The following ERCC6L2 variants were observed in gnomAD, a reference collection of about 807,000 sequenced individuals.
The protein encoded by ERCC6L2 is DNA excision repair protein ERCC-6-like 2.
In ERCC6L2, 77 loss-of-function variants were observed where a neutral mutation model predicts 132.0. The observed-to-expected ratio is 0.58, with a 90% CI of 0.49 to 0.71. The LOEUF is 0.71. Ranked by LOEUF, ERCC6L2 falls within the 30% of genes least tolerant of loss-of-function variation. The probability of loss-of-function intolerance (pLI) is 0.00; values close to 1 mark genes in which losing one functional copy is unlikely to be tolerated. For synonymous variants in ERCC6L2, 583 were observed against 632.4 expected, an observed-to-expected ratio of 0.92 and a Z score of 1.17; for missense variants, 1,542 against 1,837.6, an observed-to-expected ratio of 0.84 and a Z score of 2.94.
intron 3 of ERCC6L2, among the ~76,000 whole-genome samples, chr9:95,899,626 G>A (rs1828661459): frequency 6.8e-6 from 1 of 147,464 alleles, no homozygotes; most frequent in African/African-American, 2.5e-5. Flanking sequence ...GTGTGTGTGT[G>A]TGTGTGCGTA....
chr9:96,011,270 A>AG (rs1834018850), intron 18 of ERCC6L2, among the ~76,000 whole-genome samples: 1 of 152,202 alleles, frequency 6.6e-6, no homozygotes, highest in African/African-American at 2.4e-5. Context: ...CATGGCAGAG[A>AG]GGAAGAGACA....
chr9:95,928,134 T>C lies in ERCC6L2; in HGVS notation c.1589T>C (p.Phe530Ser), dbSNP rs1270617521. 1 of 1,612,186 alleles carries C rather than the reference T, an allele frequency of 6.2e-7. No homozygotes were observed. The highest frequency in any genetic ancestry group is 2.2e-5 in the East Asian group (1 of 44,756). ...AAAAACAGAGATAAAGTTCTTCTCT[T>C]TTCTTTTTCCACCAAGGTGAGTTCA... ...CRKNRDKVLL[F>S]SFSTKLLDVL... is the part of the protein sequence containing the mutation. Residue 530 changes from phenylalanine to serine, a missense_variant, in exon 10 of 19, where the codon TTT becomes TCT. Around this residue, in one of 4 missense-constraint regions of ERCC6L2, gnomAD observed 945 missense variants for 1,105.2 expected, o/e 0.86. Coordinates refer to ENST00000653738, the MANE Select transcript of ERCC6L2 (RefSeq NM_020207.7).
At chr9:95,878,193 A>G (rs1356343752) in intron 1 of ERCC6L2, among the ~76,000 whole-genome samples, 9 of 152,216 alleles carry the variant, frequency 5.9e-5, no homozygotes, top group Admixed American at 5.9e-4. Context: ...TTTTATTGGA[A>G]CACAACTGTG....
At chr9:95,881,816 T>G (rs140867816) in intron 2 of ERCC6L2, among the ~76,000 whole-genome samples, 71 of 152,346 alleles carry the variant, frequency 4.7e-4, no homozygotes, top group African/African-American at 1.7e-3. Flanking sequence ...ATACATACTT[T>G]CCTAAAGAGG....
chr9:96,015,624 T>G lies in ERCC6L2; in HGVS notation c.*2421T>G, dbSNP rs1205771572. Among the ~76,000 whole-genome samples the G allele has an allele frequency of 1.4e-5, 2 of 139,022 alleles. No homozygotes were observed. Among genetic ancestry groups the G allele is most frequent in the Admixed American group, 7.3e-5 (1 of 13,652 alleles). 91.2% of individuals were successfully genotyped at this position (139,022 alleles called of 152,430 possible). A position where few individuals can be genotyped will look rare whatever the true frequency, so the allele number is the denominator to read the frequency against. Reference sequence around the variant, plus strand: ...TCCTGGCTAACGCGGTGAAACCCCGTCTCTACTAAAAAAAAAAAAAATACA... The same window carrying G: ...TCCTGGCTAACGCGGTGAAACCCCGGCTCTACTAAAAAAAAAAAAAATACA... On this transcript the variant is annotated 3_prime_UTR_variant, in exon 19 of 19. Coordinates refer to ENST00000653738, the MANE Select transcript of ERCC6L2 (RefSeq NM_020207.7).
At chr9:96,029,108 T>G (rs1459717552) in intron 19 of ERCC6L2, among the ~76,000 whole-genome samples, 4 of 151,684 alleles carry the variant, frequency 2.6e-5, no homozygotes, top group Non-Finnish European at 4.4e-5. Context: ...ATCGAGACCA[T>G]CCTGGCTAAC....
intron 11 of ERCC6L2, chr9:95,929,147 A>C (rs942207318): frequency 4.5e-6 from 1 of 220,762 alleles, no homozygotes; most frequent in East Asian, 1.3e-4. Context: ...TTTTGACCCA[A>C]GTCTCCTGGT....
At position 95,955,404 on chromosome 9, in the gene ERCC6L2, G is replaced by A. The variant is rs1000604593; in HGVS notation, c.1848-510G>A. ...ATACAATTGATAAGTTTTGACTTAT[G>A]TACATGTAAAACCATCACCACAATT... is the stretch of plus-strand genomic sequence containing the variant. On this transcript the variant is annotated intron_variant, in intron 12 of 18. Transcript: ENST00000653738. Among the ~76,000 whole-genome samples the A allele has an allele frequency of 4.0e-5, 6 of 148,758 alleles. No individual in the cohort carries two copies. The East Asian group carries it at 9.7e-4, about 24-fold the overall frequency.
chr9:95,905,455 A>G (rs1261620010), intron 3 of ERCC6L2, among the ~76,000 whole-genome samples: 1 of 152,194 alleles, frequency 6.6e-6, no homozygotes, highest in Non-Finnish European at 1.5e-5. Context: ...CCTTTGATGA[A>G]TGGCCTCTCA....
At position 96,017,241 on chromosome 9, in the gene ERCC6L2, C is replaced by T. The variant is rs1197754645; in HGVS notation, c.*4038C>T. Among the ~76,000 whole-genome samples, 2 of 152,128 alleles carry T rather than the reference C, an allele frequency of 1.3e-5. No homozygotes were observed. The highest frequency in any genetic ancestry group is 4.8e-5 in the African/African-American group (2 of 41,420). On this transcript the variant is annotated 3_prime_UTR_variant, in exon 19 of 19. Coordinates refer to ENST00000653738, the MANE Select transcript of ERCC6L2 (RefSeq NM_020207.7). ...CAGCCCCTGTACACTGTGGCATGTA[C>T]GGCTGGCTCCACTTGGTATTTGTTG...
chr9:95,913,031 A>G (rs187263748), intron 4 of ERCC6L2, among the ~76,000 whole-genome samples: 4 of 152,296 alleles, frequency 2.6e-5, no homozygotes, highest in Admixed American at 2.6e-4. Context: ...CCACAGGTTA[A>G]GAAGGTTACC....
chr9:95,885,824 G>A (rs1443313873), intron 2 of ERCC6L2, among the ~76,000 whole-genome samples: 1 of 152,124 alleles, frequency 6.6e-6, no homozygotes, highest in Non-Finnish European at 1.5e-5. Context: ...TTGTGAACTC[G>A]GTGGGAGTAG....
Position 95,972,739 on chromosome 9 carries a change from G to A in ERCC6L2, c.2988G>A (p.Lys996=), listed in dbSNP as rs1454338040. The stretch of plus-strand genomic sequence containing the variant: ...TTTCTTCCAAGTCAAGAGTAAGAAA[G>A]AGAGCTAGTTCATTGAGGTTTAAGA... ...IEISSKSRVR[K]RASSLRFKRI... Residue 996 remains lysine (K), a synonymous_variant, in exon 16 of 19, where the codon AAG becomes AAA. Coordinates refer to ENST00000653738, the MANE Select transcript of ERCC6L2 (RefSeq NM_020207.7). The A allele has an allele frequency of 1.5e-6, 2 of 1,303,028 alleles. No individual in the cohort carries two copies. Among genetic ancestry groups the A allele is most frequent in the African/African-American group, 3.0e-5 (2 of 65,780 alleles). 80.7% of individuals were successfully genotyped at this position (1,303,028 alleles called of 1,614,324 possible).
chr9:95,922,657 A>T (rs1287463200), intron 8 of ERCC6L2, among the ~76,000 whole-genome samples: 1 of 152,084 alleles, frequency 6.6e-6, no homozygotes, highest in Non-Finnish European at 1.5e-5. Flanking sequence ...TCATATCTTT[A>T]TTTTTCAAAA....
chr9:95,905,098 A>C (rs1045015850), intron 3 of ERCC6L2: 15 of 152,160 alleles, frequency 9.9e-5, no homozygotes, highest in Admixed American at 2.6e-4. Context: ...TTAGAGGAAT[A>C]GCTCCCAGAG....
chr9:95,919,250 T>C (rs1159983378), intron 6 of ERCC6L2, among the ~76,000 whole-genome samples: 1 of 152,224 alleles, frequency 6.6e-6, no homozygotes, highest in East Asian at 1.9e-4. Context: ...CATTACTGTA[T>C]TTGCTTGTAT....
chr9:95,984,186 CA>C (rs1833000803), intron 17 of ERCC6L2, among the ~76,000 whole-genome samples: 2 of 148,770 alleles, frequency 1.3e-5, no homozygotes, highest in African/African-American at 4.9e-5. Flanking sequence ...CATATACATA[CA>C]AATATGTACA....
At chr9:95,927,958 AAAT>A in intron 9 of ERCC6L2, 118 bp from the exon 10 acceptor site, 1 of 604,824 alleles carries the variant, frequency 1.7e-6, no homozygotes. Flanking sequence ...GAATTAGAAA[AAAT>A]GAATGAGGTT....
chr9:95,889,364 C>G (rs1476482275), intron 2 of ERCC6L2, among the ~76,000 whole-genome samples: 1 of 152,056 alleles, frequency 6.6e-6, no homozygotes, highest in African/African-American at 2.4e-5. Flanking sequence ...TCTTATATTA[C>G]CTCATTTAAA....
Sources: allele counts gnomAD v4.1 joint callset (sites outside exome capture counted in the v4.1 genomes callset), GRCh38; gene constraint gnomAD v4.1.1; regional missense constraint gnomAD v4.1.1; transcripts MANE v1.5; gene names NCBI Gene and HGNC (gene_info 2026-07-23, HGNC 2026-07-21).